The following PDE3A variants were observed in gnomAD, a reference collection of about 807,000 sequenced individuals.
The protein encoded by PDE3A is cGMP-inhibited 3',5'-cyclic phosphodiesterase 3A.
Under a neutral mutation model 98.3 loss-of-function variants are expected in PDE3A, and 43 were observed. That is an observed-to-expected ratio of 0.44 (90% CI 0.34 to 0.56). The LOEUF is 0.56. PDE3A is among the 20% of genes least tolerant of loss of function. PDE3A has a pLI of 0.01. For synonymous variants in PDE3A, 663 were observed against 567.9 expected (o/e 1.17, Z -2.38); for missense variants, 1,427 against 1,440.7 (o/e 0.99, Z 0.15).
intron 1 of PDE3A, among the ~76,000 whole-genome samples, chr12:20,376,809 A>G (rs1943579861): frequency 6.6e-6 from 1 of 151,790 alleles, no homozygotes; most frequent in Non-Finnish European, 1.5e-5. Flanking sequence ...AGGGTATAAT[A>G]TCAGAGGAGG....
intron 1 of PDE3A, among the ~76,000 whole-genome samples, chr12:20,461,226 G>A (rs1342575987): frequency 2.8e-5 from 3 of 108,238 alleles, no homozygotes; most frequent in African/African-American, 1.3e-4. Context: ...CAGGCTAGGA[G>A]TGTTTGTCAG....
chr12:20,668,030 A>C (rs1308449077), intron 15 of PDE3A, among the ~76,000 whole-genome samples: 1 of 152,192 alleles, frequency 6.6e-6, no homozygotes, highest in Non-Finnish European at 1.5e-5. Context: ...GCATTGCCTC[A>C]CTTGGGAAAC....
In PDE3A at chr12:20,369,662, C is replaced by T. The variant is rs955167665; in HGVS notation, c.378C>T (p.Leu126=). 8 of 1,605,370 alleles carry T rather than the reference C, an allele frequency of 5.0e-6. No homozygotes were observed. Among genetic ancestry groups the T allele is most frequent in the Non-Finnish European group, 6.8e-6 (8 of 1,176,818 alleles). Residue 126 remains leucine, a synonymous_variant, in exon 1 of 16, where the codon CTC becomes CTT. Coordinates refer to ENST00000359062, the MANE Select transcript of PDE3A (RefSeq NM_000921.5). ...RGGAPGGGAR[L]SPWLQPSALL... ...GTGCTCCCGGGGGCGGTGCGCGGCT[C>T]AGCCCCTGGCTGCAGCCCTCGGCGC...
intron 1 of PDE3A, among the ~76,000 whole-genome samples, chr12:20,431,391 G>A (rs1261897020): frequency 2.6e-5 from 4 of 152,156 alleles, no homozygotes; most frequent in Non-Finnish European, 5.9e-5. Flanking sequence ...TTGAGAGTAT[G>A]AGGATTGTAT....
Position 20,551,798 on chromosome 12 carries a change from C to T in PDE3A, c.961-4862C>T. ...AAGAAGGCGAAGATGGCCTCGGCCA[C>T]ATCGTCCTCACAGCGGGACTGGGAC... On this transcript the variant is annotated intron_variant, in intron 1 of 15. Transcript: ENST00000359062. The T allele has an allele frequency of 3.1e-6, 5 of 1,613,998 alleles. No homozygotes were observed. In the South Asian group the frequency reaches 5.5e-5, roughly 18 times the overall value.
chr12:20,600,686 T>C (rs1007319792), intron 2 of PDE3A, among the ~76,000 whole-genome samples: 2 of 152,216 alleles, frequency 1.3e-5, no homozygotes, highest in Admixed American at 1.3e-4. Flanking sequence ...GTACTATTAC[T>C]TCTCCTTGGC....
At chr12:20,534,683 G>T (rs1026605357) in intron 1 of PDE3A, among the ~76,000 whole-genome samples, 1 of 152,130 alleles carries the variant, frequency 6.6e-6, no homozygotes, top group African/African-American at 2.4e-5. Context: ...CTGCAATTGA[G>T]ATATAGATTA....
rs1942847499 is a variant in PDE3A at position 20,573,332 on chromosome 12, T to TACAGGCACCACC, written c.1011+16623_1011+16624insCAGGCACCACCA. Among the ~76,000 whole-genome samples, 7 of 151,858 alleles carry TACAGGCACCACC rather than the reference T, an allele frequency of 4.6e-5. No homozygotes were observed. The East Asian group carries it at 1.4e-3, about 29-fold the overall frequency. On this transcript the variant is annotated intron_variant, in intron 2 of 15. Coordinates refer to ENST00000359062, the MANE Select transcript of PDE3A (RefSeq NM_000921.5). ...AAGGTTTTGGGGCATCTCCTGTGTGTAGGCACAGTGCTGGTGGTGAAGCAG... is the reference window on the plus strand; with the variant it reads ...AAGGTTTTGGGGCATCTCCTGTGTGTACAGGCACCACCAGGCACAGTGCTGGTGGTGAAGCAG...
At chr12:20,536,872 G>C (rs1278837302) in intron 1 of PDE3A, among the ~76,000 whole-genome samples, 2 of 151,988 alleles carry the variant, frequency 1.3e-5, no homozygotes, top group Non-Finnish European at 1.5e-5. Context: ...TTTTTGTGTG[G>C]ATATTTGTTT....
chr12:20,614,275 TTC>T (rs1437637872), intron 3 of PDE3A, among the ~76,000 whole-genome samples: 1 of 152,204 alleles, frequency 6.6e-6, no homozygotes. Context: ...TACACAAACA[TTC>T]TTTTTACATA....
At chr12:20,488,895 A>G (rs1945778829) in intron 1 of PDE3A, among the ~76,000 whole-genome samples, 1 of 149,228 alleles carries the variant, frequency 6.7e-6, no homozygotes. Flanking sequence ...AAAAAAAAAA[A>G]GAGAAAAAGA....
At chr12:20,409,323 T>G (rs897631487) in intron 1 of PDE3A, among the ~76,000 whole-genome samples, 3 of 152,206 alleles carry the variant, frequency 2.0e-5, no homozygotes, top group African/African-American at 7.2e-5. Flanking sequence ...TTCTTTTTTA[T>G]TAATTGTGGT....
At chr12:20,521,797 T>C (rs1946433501) in intron 1 of PDE3A, among the ~76,000 whole-genome samples, 1 of 152,118 alleles carries the variant, frequency 6.6e-6, no homozygotes, top group Non-Finnish European at 1.5e-5. Context: ...GGAGTTTCAT[T>C]AGGAGCTTAC....
intron 10 of PDE3A, among the ~76,000 whole-genome samples, chr12:20,643,827 T>C (rs911868753): frequency 9.8e-5 from 15 of 152,294 alleles, no homozygotes; most frequent in African/African-American, 3.4e-4. Context: ...TTTTGTTTTT[T>C]TGTTTTTTTA....
intron 4 of PDE3A, 144 bp from the exon 5 acceptor site, chr12:20,621,152 G>A (rs1944125630): frequency 1.6e-6 from 1 of 613,488 alleles, no homozygotes; most frequent in Non-Finnish European, 2.9e-6. Context: ...TGGAAGTACA[G>A]TGGTTCTGTC....
chr12:20,527,940 A>T (rs777768409), intron 1 of PDE3A, among the ~76,000 whole-genome samples: 9 of 151,990 alleles, frequency 5.9e-5, no homozygotes, highest in Non-Finnish European at 1.0e-4. Flanking sequence ...AAAAAAGCAA[A>T]ACTCAAAAAA....
chr12:20,552,147 G>A lies in PDE3A; in HGVS notation c.961-4513G>A. 11 of 1,613,688 alleles carry A rather than the reference G, an allele frequency of 6.8e-6. No individual in the cohort carries two copies. The highest frequency in any genetic ancestry group is 9.3e-6 in the Non-Finnish European group (11 of 1,179,904). Reference sequence around the variant, plus strand: ...ATCAGAAACTCACCAACACCAACAGGGCGCTGGCTCTCAACTGCTTTGCTC... The same window carrying A: ...ATCAGAAACTCACCAACACCAACAGAGCGCTGGCTCTCAACTGCTTTGCTC... On this transcript the variant is annotated intron_variant, in intron 1 of 15. Transcript: ENST00000359062. This position sits in a 1 kb window ranked among gnomAD's most constrained non-coding sequence, Gnocchi z 5.1.
At chr12:20,496,768 C>T (rs901193620) in intron 1 of PDE3A, among the ~76,000 whole-genome samples, 22 of 152,218 alleles carry the variant, frequency 1.4e-4, no homozygotes, top group Admixed American at 9.2e-4. Flanking sequence ...CTATCTTTCA[C>T]GAATATGGGC....
Position 20,552,484 on chromosome 12 carries a change from G to T in PDE3A, c.961-4176G>T. On this transcript the variant is annotated intron_variant, in intron 1 of 15. Coordinates refer to ENST00000359062, the MANE Select transcript of PDE3A (RefSeq NM_000921.5). This position sits in a 1 kb window ranked among gnomAD's most constrained non-coding sequence, Gnocchi z 5.1. The stretch of plus-strand genomic sequence containing the variant: ...CTACCTGGAAGCCCTGGCCAACCGA[G>T]AGCGAGAGAAGGAGAACAGCAAGAG... 22 of 1,613,034 alleles carry T rather than the reference G, an allele frequency of 1.4e-5. No individual in the cohort carries two copies. The South Asian group carries it at 2.1e-4, about 15-fold the overall frequency.
Sources: allele counts gnomAD v4.1 joint callset (sites outside exome capture counted in the v4.1 genomes callset), GRCh38; gene constraint gnomAD v4.1.1; non-coding constraint Gnocchi (gnomAD v3.1); transcripts MANE v1.5; gene names NCBI Gene and HGNC (gene_info 2026-07-23, HGNC 2026-07-21).